CPVL: variants seen among roughly 807,000 people sequenced by gnomAD.
CPVL encodes the protein probable serine carboxypeptidase CPVL.
Under a neutral mutation model 63.7 loss-of-function variants are expected in CPVL, and 51 were observed. The observed-to-expected ratio is 0.80, with a 90% CI of 0.64 to 1.01. The LOEUF (loss-of-function observed/expected upper bound fraction) is 1.01, where lower values mean the gene tolerates loss of function less well. CPVL is among the 50% of genes least tolerant of loss of function. The probability of loss-of-function intolerance (pLI) is 0.00; values close to 1 mark genes in which losing one functional copy is unlikely to be tolerated. For missense variants in CPVL, 530 were observed against 573.1 expected, an observed-to-expected ratio of 0.92 and a Z score of 0.77; for synonymous variants, 195 against 206.0, an observed-to-expected ratio of 0.95 and a Z score of 0.46.
intron 3 of CPVL, among the ~76,000 whole-genome samples, chr7:29,184,704 G>T (rs1241645387): frequency 2.6e-5 from 4 of 152,168 alleles, no homozygotes; most frequent in African/African-American, 9.7e-5. Flanking sequence ...GTTACTCAGT[G>T]TTCTGATTTA....
intron 2 of CPVL, among the ~76,000 whole-genome samples, chr7:29,118,461 G>A (rs756828489): frequency 2.0e-5 from 3 of 152,194 alleles, no homozygotes; most frequent in Non-Finnish European, 2.9e-5. Flanking sequence ...CCCATATGGT[G>A]GGGCAGCCAT....
intron 12 of CPVL, among the ~76,000 whole-genome samples, chr7:29,026,856 C>T (rs1429053070): frequency 6.6e-6 from 1 of 151,968 alleles, no homozygotes. Flanking sequence ...TAAAAATTCT[C>T]CCAACAAAGG....
chr7:28,996,879 G>A (rs1237277308), intron 12 of CPVL, among the ~76,000 whole-genome samples: 1 of 152,132 alleles, frequency 6.6e-6, no homozygotes, highest in African/African-American at 2.4e-5. Context: ...AGTTCAACAT[G>A]TGTTTACAGA....
At chr7:29,121,435 G>A (rs1357926399) in intron 1 of CPVL, among the ~76,000 whole-genome samples, 1 of 151,980 alleles carries the variant, frequency 6.6e-6, no homozygotes, top group Admixed American at 6.6e-5. Flanking sequence ...CAAAGTGCTG[G>A]GATTATAGGA....
upstream of CPVL, among the ~76,000 whole-genome samples, chr7:29,150,987 A>G (rs1207705506): frequency 6.6e-6 from 1 of 152,210 alleles, no homozygotes; most frequent in Non-Finnish European, 1.5e-5. Context: ...CAGCTGAAGA[A>G]AGTCTACAGC....
intron 2 of CPVL, chr7:29,113,031 T>C: frequency 2.1e-6 from 1 of 474,754 alleles, no homozygotes; most frequent in Non-Finnish European, 3.8e-6. Flanking sequence ...TATGTGAAAG[T>C]TTTAAGCCTT....
intron 3 of CPVL, among the ~76,000 whole-genome samples, chr7:29,098,623 G>T (rs1562768556): frequency 6.6e-6 from 1 of 152,178 alleles, no homozygotes; most frequent in Non-Finnish European, 1.5e-5. Context: ...AAGCTCCAGG[G>T]GTCAGCGCGG....
At chr7:29,140,309 A>C (rs2128669044) in intron 1 of CPVL, among the ~76,000 whole-genome samples, 1 of 152,092 alleles carries the variant, frequency 6.6e-6, no homozygotes, top group East Asian at 1.9e-4. Flanking sequence ...TTCTACCCAC[A>C]CTCTTCTATA....
intron 5 of CPVL, among the ~76,000 whole-genome samples, chr7:29,153,359 A>AT (rs1049455175): frequency 4.6e-5 from 7 of 152,058 alleles, no homozygotes; most frequent in African/African-American, 1.7e-4. Flanking sequence ...TTATACACGG[A>AT]TTTTTTTCTA....
chr7:29,194,874 G>C, intron 1 of CPVL: 1 of 1,341,108 alleles, frequency 7.5e-7, no homozygotes, highest in Non-Finnish European at 9.6e-7. Context: ...GCGAGCGGCC[G>C]GGCGAGGGCA....
At chr7:29,076,034 G>T (rs925276455) in intron 7 of CPVL, among the ~76,000 whole-genome samples, 1 of 122,346 alleles carries the variant, frequency 8.2e-6, no homozygotes, top group South Asian at 2.5e-4. Context: ...TTCTCTGACC[G>T]CCATTAAGTA....
chr7:29,152,963 CTCTA>C (rs1251500819), intron 5 of CPVL, among the ~76,000 whole-genome samples: 3 of 152,248 alleles, frequency 2.0e-5, no homozygotes, highest in Non-Finnish European at 4.4e-5. Flanking sequence ...TGGAGTCATC[CTCTA>C]TCTGAGGGGT....
intron 5 of CPVL, among the ~76,000 whole-genome samples, chr7:29,170,155 G>A (rs1384725185): frequency 6.6e-6 from 1 of 152,038 alleles, no homozygotes; most frequent in East Asian, 1.9e-4. Flanking sequence ...GGGGTGGAGG[G>A]GGATTCCCTG....
upstream of CPVL, chr7:29,146,925 C>G (rs775754307): frequency 2.8e-5 from 43 of 1,551,088 alleles, no homozygotes; most frequent in Admixed American, 7.8e-4. Flanking sequence ...AGGCAACACA[C>G]GTTCGCTGAT....
intron 5 of CPVL, among the ~76,000 whole-genome samples, chr7:29,157,835 C>T (rs1794623529): frequency 7.2e-6 from 1 of 139,046 alleles, no homozygotes; most frequent in South Asian, 2.2e-4. Context: ...TAGGAGGATG[C>T]TAAAAAAAAA....
At chr7:29,116,200 T>A (rs1171635440) in intron 2 of CPVL, among the ~76,000 whole-genome samples, 1 of 152,184 alleles carries the variant, frequency 6.6e-6, no homozygotes, top group Non-Finnish European at 1.5e-5. Flanking sequence ...TACAAAAACC[T>A]CCTAAGGCAG....
intron 11 of CPVL, among the ~76,000 whole-genome samples, chr7:29,042,223 G>A (rs537450909): frequency 1.3e-5 from 2 of 152,248 alleles, no homozygotes. Context: ...GGAGCAGACA[G>A]GAACTATGGG....
At chr7:29,177,462 C>CA (rs1797503946) in intron 5 of CPVL, among the ~76,000 whole-genome samples, 1 of 151,984 alleles carries the variant, frequency 6.6e-6, no homozygotes, top group African/African-American at 2.4e-5. Context: ...CCATGTTGGC[C>CA]AGCCTGGTCT....
intron 4 of CPVL, among the ~76,000 whole-genome samples, chr7:29,183,989 T>A (rs62444099): frequency 0.13 from 20,061 of 152,018 alleles, 1,791 homozygotes; most frequent in East Asian, 0.43. Context: ...CTAGACATGA[T>A]TCAAAGTATA....
Sources: allele counts gnomAD v4.1 joint callset (sites outside exome capture counted in the v4.1 genomes callset), GRCh38; gene constraint gnomAD v4.1.1; transcripts MANE v1.5; gene names NCBI Gene and HGNC (gene_info 2026-07-23, HGNC 2026-07-21).